RIPOR3: variants seen among roughly 807,000 people sequenced by gnomAD.
RIPOR3 encodes family with sequence similarity 65 member C.
Under a neutral mutation model 114.3 loss-of-function variants are expected in RIPOR3, and 95 were observed. The observed-to-expected ratio is 0.83, with a 90% CI of 0.70 to 0.99. The LOEUF is 0.99. Among genes scored for constraint, RIPOR3 ranks in the 50% least tolerant of loss-of-function variants. RIPOR3 has a pLI of 0.00. For synonymous variants in RIPOR3, 575 were observed against 543.8 expected (o/e 1.06, Z -0.80); for missense variants, 1,252 against 1,266.9 (o/e 0.99, Z 0.18).
At chr20:50,645,288 G>A (rs748594303) in intron 1 of RIPOR3, among the ~76,000 whole-genome samples, 3 of 152,170 alleles carry the variant, frequency 2.0e-5, no homozygotes, top group Non-Finnish European at 4.4e-5. Flanking sequence ...GCACCGTTGT[G>A]TCCCGTTCCT....
Position 50,595,471 on chromosome 20 carries a change from G to A in RIPOR3, c.1948C>T (p.Gln650Ter), listed in dbSNP as rs754862642. Residue 650 changes from glutamine (Q) to a stop codon, truncating the protein, a stop_gained, in exon 16 of 22, where the codon CAG becomes TAG. Coordinates refer to ENST00000327979, the MANE Select transcript of RIPOR3 (RefSeq NM_001290268.2). LOFTEE classifies it high-confidence loss of function. Reference protein sequence around the residue: ...LASPNLSRLVQECLLEEVAQQ... With the variant: ...LASPNLSRLV ...GCCACTTCTTCCAGGAGGCATTCCT[G>A]GACCAGCCTTGATAAATTAGGGGAG... 1.2e-6 allele frequency: 2 copies of A among 1,614,114 alleles called. No homozygotes were observed. Among genetic ancestry groups the A allele is most frequent in the African/African-American group, 1.3e-5 (1 of 75,036 alleles).
chr20:50,607,237 C>CA (rs1192311694), intron 11 of RIPOR3, among the ~76,000 whole-genome samples: 2 of 152,154 alleles, frequency 1.3e-5, no homozygotes, highest in Non-Finnish European at 2.9e-5. Context: ...TCGGTTCAGA[C>CA]CCCTTGTCTG....
intron 1 of RIPOR3, among the ~76,000 whole-genome samples, chr20:50,639,927 C>T (rs1473948404): frequency 2.0e-5 from 3 of 152,026 alleles, no homozygotes; most frequent in African/African-American, 4.8e-5. Flanking sequence ...ACCAGGAGCA[C>T]AGCCTGTGAC....
chr20:50,656,154 C>T (rs1372012084), intron 1 of RIPOR3, among the ~76,000 whole-genome samples: 2 of 151,988 alleles, frequency 1.3e-5, no homozygotes, highest in South Asian at 2.1e-4. Context: ...ACTACAGGCC[C>T]GCATCACCAT....
intron 2 of RIPOR3, among the ~76,000 whole-genome samples, chr20:50,623,493 G>A (rs1364530053): frequency 6.6e-6 from 1 of 152,076 alleles, no homozygotes; most frequent in Non-Finnish European, 1.5e-5. Flanking sequence ...CAAGGAGCAA[G>A]GTTTGACCCA....
At chr20:50,649,835 A>G (rs773250413) in intron 1 of RIPOR3, among the ~76,000 whole-genome samples, 12 of 152,206 alleles carry the variant, frequency 7.9e-5, no homozygotes, top group Middle Eastern at 3.4e-3. Context: ...GAGGCTTCCA[A>G]TGGGGGCAGG....
chr20:50,605,373 G>A (rs113520619), intron 11 of RIPOR3, among the ~76,000 whole-genome samples: 211 of 152,228 alleles, frequency 1.4e-3, no homozygotes, highest in African/African-American at 4.7e-3. Context: ...CCAACCACGC[G>A]AGACGGAACT....
Position 50,602,010 on chromosome 20 carries a change from C to T in RIPOR3, c.1659+62G>A, listed in dbSNP as rs1200258880. 29 of 1,415,466 alleles carry T rather than the reference C, an allele frequency of 2.0e-5. No homozygotes were observed. The highest frequency in any genetic ancestry group is 4.5e-5 in the South Asian group (3 of 66,584). 87.7% of individuals were successfully genotyped at this position (1,415,466 alleles called of 1,614,324 possible). ...CCAGGCTGCGTGGCCCCAGAGCCCC[C>T]GACTCCCAGTCATCATGCCATCAGC... is the stretch of plus-strand genomic sequence containing the variant. On this transcript the variant is annotated intron_variant, in intron 13 of 21. Coordinates refer to ENST00000327979, the MANE Select transcript of RIPOR3 (RefSeq NM_001290268.2). The surrounding 1 kb of genome is among the most constrained non-coding windows in gnomAD (Gnocchi z 4.3).
intron 11 of RIPOR3, among the ~76,000 whole-genome samples, chr20:50,606,162 C>T (rs180896538): frequency 1.2e-4 from 18 of 152,262 alleles, no homozygotes; most frequent in Admixed American, 5.9e-4. Context: ...GCCGAGATTG[C>T]GCCATTGCAC....
intron 6 of RIPOR3, among the ~76,000 whole-genome samples, chr20:50,610,562 T>C (rs1023189096): frequency 6.6e-6 from 1 of 152,156 alleles, no homozygotes; most frequent in African/African-American, 2.4e-5. Context: ...TTCCCAGCCA[T>C]CTAAGACTGA....
chr20:50,659,363 A>G (rs572793028), intron 1 of RIPOR3, among the ~76,000 whole-genome samples: 2 of 152,060 alleles, frequency 1.3e-5, no homozygotes, highest in South Asian at 4.2e-4. Flanking sequence ...AATTCTAACC[A>G]GGGCCGGGTG....
intron 11 of RIPOR3, among the ~76,000 whole-genome samples, chr20:50,607,551 C>T (rs2083767781): frequency 6.6e-6 from 1 of 152,184 alleles, no homozygotes; most frequent in Non-Finnish European, 1.5e-5. Context: ...AGGGTGTCTG[C>T]AGACCCGCAG....
chr20:50,680,995 G>A (rs1049818628), intron 1 of RIPOR3, among the ~76,000 whole-genome samples: 4 of 152,106 alleles, frequency 2.6e-5, no homozygotes, highest in South Asian at 2.1e-4. Context: ...GGGCTAAGGC[G>A]GGTGAATCTA....
At chr20:50,638,724 G>T (rs1451622852) in intron 1 of RIPOR3, among the ~76,000 whole-genome samples, 1 of 152,108 alleles carries the variant, frequency 6.6e-6, no homozygotes, top group African/African-American at 2.4e-5. Flanking sequence ...GAGGGAGCGG[G>T]GGAAGCTGGG....
At chr20:50,678,303 T>A (rs1479981217) in intron 1 of RIPOR3, among the ~76,000 whole-genome samples, 1 of 152,192 alleles carries the variant, frequency 6.6e-6, no homozygotes, top group Non-Finnish European at 1.5e-5. Context: ...CTGGGTGGCC[T>A]TGGCCCAACC....
At chr20:50,622,682 C>T (rs1418772711) in intron 2 of RIPOR3, among the ~76,000 whole-genome samples, 1 of 150,282 alleles carries the variant, frequency 6.7e-6, no homozygotes, top group Admixed American at 6.6e-5. Flanking sequence ...CACCCCTTGG[C>T]TCTGGACTGC....
chr20:50,671,377 C>T (rs1368178376), intron 1 of RIPOR3, among the ~76,000 whole-genome samples: 1 of 151,940 alleles, frequency 6.6e-6, no homozygotes. Context: ...TGACTTCCAC[C>T]TTTCTCTCTC....
chr20:50,645,217 T>C (rs1284122229), intron 1 of RIPOR3, among the ~76,000 whole-genome samples: 1 of 152,136 alleles, frequency 6.6e-6, no homozygotes, highest in Non-Finnish European at 1.5e-5. Context: ...CTGTGGTGTC[T>C]AAGGATGGAG....
intron 1 of RIPOR3, among the ~76,000 whole-genome samples, chr20:50,678,516 T>C (rs1316995554): frequency 1.3e-5 from 2 of 152,148 alleles, no homozygotes; most frequent in African/African-American, 4.8e-5. Flanking sequence ...AAGGTTATCA[T>C]GGGGTTCACA....
Sources: gnomAD v4.1 joint callset for allele counts (sites outside exome capture counted in the v4.1 genomes callset) on GRCh38, gnomAD v4.1.1 for gene constraint, Gnocchi (gnomAD v3.1) non-coding constraint, MANE v1.5 for transcripts, NCBI Gene and HGNC (gene_info 2026-07-23, HGNC 2026-07-21) for gene names.